Variants in MEAF6 observed in about 807,000 individuals in gnomAD.
MEAF6 encodes MYST/Esa1 associated factor 6, also known as chromatin modification-related protein MEAF6.
Under a neutral mutation model 28.9 loss-of-function variants are expected in MEAF6, and 15 were observed. The ratio of observed to expected loss-of-function variants is 0.52; its 90% CI spans 0.35 to 0.80. The LOEUF is 0.80. Among genes scored for constraint, MEAF6 ranks in the 30% least tolerant of loss-of-function variants. The pLI is 0.01. For missense variants in MEAF6, 178 were observed against 237.5 expected (o/e 0.75, Z 1.65); for synonymous variants, 97 against 88.7 (o/e 1.09, Z -0.53).
In MEAF6 at chr1:37,501,862, T is replaced by C. The variant is rs762490162; in HGVS notation, c.475A>G (p.Thr159Ala). The change falls in exon 5 of 7, where the codon ACT becomes GCT. Residue 159 changes from threonine to alanine, a missense_variant. Thr to Ala is a moderately conservative substitution (Grantham distance 58). Coordinates refer to ENST00000296214, the MANE Select transcript of MEAF6 (RefSeq NM_001270875.3). Reference sequence around the variant, plus strand: ...CTGCTGTGGTGACTCCCTGAGGAAGTAGAAGAAGCAGCCTTCTGAGGTTTC... The same window carrying C: ...CTGCTGTGGTGACTCCCTGAGGAAGCAGAAGAAGCAGCCTTCTGAGGTTTC... The part of the protein sequence containing the change: ...GVKPQKAASS[T>A]SSGSHHSSHK... 5.0e-6 allele frequency: 8 copies of C among 1,607,128 alleles called. No homozygotes were observed. The highest frequency in any genetic ancestry group is 1.1e-5 in the South Asian group (1 of 90,524).
chr1:37,510,971 C>T (rs1356992586), intron 2 of MEAF6, among the ~76,000 whole-genome samples: 2 of 150,902 alleles, frequency 1.3e-5, no homozygotes, highest in Admixed American at 6.6e-5. Flanking sequence ...CCACTCGCCT[C>T]GGCCTCCCAA....
intron 5 of MEAF6, 136 bp from the exon 6 acceptor site, chr1:37,496,054 T>C: frequency 1.4e-6 from 1 of 703,456 alleles, no homozygotes; most frequent in Non-Finnish European, 2.5e-6. Flanking sequence ...TTAGACTATG[T>C]CATATTTAGT....
chr1:37,494,187 A>G (rs904148603), intron 6 of MEAF6, 80 bp from the exon 7 acceptor site: 8 of 1,214,740 alleles, frequency 6.6e-6, no homozygotes, highest in Non-Finnish European at 8.4e-6. Context: ...AAAATCTCAT[A>G]AACAACTCTA....
intron 5 of MEAF6, chr1:37,496,760 A>C (rs1383236846): frequency 5.7e-6 from 9 of 1,587,976 alleles, no homozygotes; most frequent in Non-Finnish European, 7.7e-6. Context: ...TTTGAAAGGA[A>C]GAAAGCAATA....
At position 37,493,565 on chromosome 1, in the gene MEAF6, T is replaced by C. The variant is rs1569946301; in HGVS notation, c.*534A>G. 3.5e-6 allele frequency: 2 copies of C among 565,392 alleles called. No homozygotes were observed. The highest frequency in any genetic ancestry group is 6.2e-5 in the East Asian group (2 of 32,472). 35.0% of individuals were successfully genotyped at this position (565,392 alleles called of 1,614,324 possible). A position where few individuals can be genotyped will look rare whatever the true frequency, so the allele number is the denominator to read the frequency against. ...ATTGGCAACTGCATGAAAGAGATGA[T>C]CAGATATGTCAGCAGGAAAGTATGA... is the stretch of plus-strand genomic sequence containing the variant. On this transcript the variant is annotated 3_prime_UTR_variant, in exon 7 of 7. Transcript: ENST00000296214.
chr1:37,503,443 A>G (rs375522213), intron 4 of MEAF6, among the ~76,000 whole-genome samples: 7 of 151,970 alleles, frequency 4.6e-5, no homozygotes, highest in East Asian at 1.9e-4. Flanking sequence ...TTGAGGCCAA[A>G]TGTTCAAGAC....
At chr1:37,505,800 G>C (rs1020101427) in intron 4 of MEAF6, among the ~76,000 whole-genome samples, 5 of 152,176 alleles carry the variant, frequency 3.3e-5, no homozygotes, top group Admixed American at 3.3e-4. Flanking sequence ...ACAGTCAACT[G>C]ATTTTCAACA....
chr1:37,492,154 G>C lies in MEAF6; in HGVS notation c.*1945C>G, dbSNP rs990301005. ...TGCCATTCTCCTGCCTCAGCCTCCC[G>C]AGTAGCTGGGACTACCGGCACCCGC... On this transcript the variant is annotated 3_prime_UTR_variant, in exon 7 of 7. Transcript: ENST00000296214. Among the ~76,000 whole-genome samples, 3 of 151,674 alleles carry C rather than the reference G, an allele frequency of 2.0e-5. No individual in the cohort carries two copies. Among genetic ancestry groups the C allele is most frequent in the African/African-American group, 7.3e-5 (3 of 41,260 alleles).
At chr1:37,503,184 G>A (rs2148074153) in intron 4 of MEAF6, among the ~76,000 whole-genome samples, 1 of 152,150 alleles carries the variant, frequency 6.6e-6, no homozygotes, top group Non-Finnish European at 1.5e-5. Context: ...CAGTCCTCCT[G>A]CTTCAACCTC....
At chr1:37,509,759 AATTTATTTATTTATTTACTT>A in intron 2 of MEAF6, among the ~76,000 whole-genome samples, 1 of 152,062 alleles carries the variant, frequency 6.6e-6, no homozygotes, top group East Asian at 1.9e-4. Context: ...TCATTTTTTA[AATTTATTTATTTATTTACTT>A]ATTTATTTAT....
chr1:37,511,567 A>C (rs1393575586), intron 2 of MEAF6, among the ~76,000 whole-genome samples: 1 of 152,254 alleles, frequency 6.6e-6, no homozygotes, highest in African/African-American at 2.4e-5. Context: ...GATAAATCAT[A>C]TGATCAAACT....
At chr1:37,503,658 C>CAAAAAAAAAAAAAAAAAAAA (rs773565571) in intron 4 of MEAF6, among the ~76,000 whole-genome samples, 1 of 47,926 alleles carries the variant, frequency 2.1e-5, no homozygotes, top group Non-Finnish European at 4.1e-5. Flanking sequence ...AAGACTGTCT[C>CAAAAAAAAAAAAAAAAAAAA]AAAAAAAAAA....
At chr1:37,514,094 A>C (rs1263444913) in intron 1 of MEAF6, 1 of 163,838 alleles carries the variant, frequency 6.1e-6, no homozygotes, top group Non-Finnish European at 1.3e-5. Flanking sequence ...TGCCTGTCAC[A>C]ATTCTGAATT....
chr1:37,507,072 C>G (rs777074596), intron 4 of MEAF6, among the ~76,000 whole-genome samples: 5 of 152,172 alleles, frequency 3.3e-5, no homozygotes, highest in Non-Finnish European at 5.9e-5. Context: ...GTAATCCCAG[C>G]AATTTGGGAG....
chr1:37,498,518 G>A (rs1401805070), intron 5 of MEAF6, among the ~76,000 whole-genome samples: 1 of 151,524 alleles, frequency 6.6e-6, no homozygotes, highest in Non-Finnish European at 1.5e-5. Flanking sequence ...TCAACCTCCT[G>A]GGCTCAAGCA....
intron 4 of MEAF6, among the ~76,000 whole-genome samples, chr1:37,505,883 A>T (rs1428422037): frequency 1.3e-5 from 2 of 152,262 alleles, no homozygotes; most frequent in Non-Finnish European, 2.9e-5. Flanking sequence ...AGATATTCAC[A>T]TGCAAAACAA....
At chr1:37,497,360 TC>T (rs761222707) in intron 5 of MEAF6, among the ~76,000 whole-genome samples, 1 of 151,878 alleles carries the variant, frequency 6.6e-6, no homozygotes, top group African/African-American at 2.4e-5. Context: ...TGCCTCAGCC[TC>T]CCTCAAGTTA....
At chr1:37,505,073 G>A (rs533525073) in intron 4 of MEAF6, among the ~76,000 whole-genome samples, 4 of 152,122 alleles carry the variant, frequency 2.6e-5, no homozygotes, top group African/African-American at 7.2e-5. Flanking sequence ...TAGTAAAGAC[G>A]GGGTTTTGCC....
intron 1 of MEAF6, chr1:37,513,855 T>TC (rs1642746171): frequency 4.6e-6 from 2 of 430,272 alleles, no homozygotes; most frequent in Admixed American, 7.6e-5. Flanking sequence ...TTGGGCGATG[T>TC]CCACTCCCAC....
Sources: gnomAD v4.1 joint callset for allele counts (sites outside exome capture counted in the v4.1 genomes callset) on GRCh38, gnomAD v4.1.1 for gene constraint, MANE v1.5 for transcripts, NCBI Gene and HGNC (gene_info 2026-07-23, HGNC 2026-07-21) for gene names.